The following CTNNA3 variants were observed in gnomAD, a reference collection of about 807,000 sequenced individuals.
CTNNA3 encodes catenin alpha 3.
In CTNNA3, 76 loss-of-function variants were observed where a neutral mutation model predicts 95.7. The ratio of observed to expected loss-of-function variants is 0.79; its 90% confidence interval spans 0.66 to 0.96. CTNNA3 has a LOEUF of 0.96. CTNNA3 is among the 40% of genes least tolerant of loss of function. The pLI, the probability that CTNNA3 is intolerant of heterozygous loss-of-function variation, is 0.00. For missense variants in CTNNA3, 1,191 were observed against 1,089.8 expected, an observed-to-expected ratio of 1.09 and a Z score of -1.31; for synonymous variants, 431 against 374.4, an observed-to-expected ratio of 1.15 and a Z score of -1.74.
intron 1 of CTNNA3, among the ~76,000 whole-genome samples, chr10:67,669,634 C>T (rs372560302): frequency 6.6e-6 from 1 of 152,128 alleles, no homozygotes; most frequent in Non-Finnish European, 1.5e-5. Context: ...TAAAATTACA[C>T]ATAGAATATA....
intron 7 of CTNNA3, among the ~76,000 whole-genome samples, chr10:66,844,593 C>A (rs967729709): frequency 2.0e-5 from 3 of 152,096 alleles, no homozygotes; most frequent in Non-Finnish European, 2.9e-5. Context: ...TTAGCTAGTC[C>A]TTTGTGGAAT....
At chr10:66,173,659 G>A (rs2085552563) in intron 13 of CTNNA3, among the ~76,000 whole-genome samples, 1 of 151,864 alleles carries the variant, frequency 6.6e-6, no homozygotes, top group Non-Finnish European at 1.5e-5. Flanking sequence ...CTCCAGTATG[G>A]GCAACAGACA....
At chr10:66,473,936 T>C (rs1839229184) in intron 11 of CTNNA3, among the ~76,000 whole-genome samples, 1 of 152,116 alleles carries the variant, frequency 6.6e-6, no homozygotes, top group African/African-American at 2.4e-5. Context: ...TTGGGTTGGT[T>C]CCAAGTCTTT....
At chr10:67,086,800 G>C (rs759575103) in intron 7 of CTNNA3, among the ~76,000 whole-genome samples, 1 of 151,830 alleles carries the variant, frequency 6.6e-6, no homozygotes, top group Non-Finnish European at 1.5e-5. Flanking sequence ...CCAAACACTA[G>C]TATCTGTTAT....
intron 1 of CTNNA3, chr10:67,750,289 C>T: frequency 1.3e-6 from 2 of 1,521,026 alleles, no homozygotes; most frequent in Non-Finnish European, 1.8e-6. Context: ...CAACCATGGC[C>T]ATCTTTGTGG....
chr10:66,490,690 T>C (rs1336613250), intron 11 of CTNNA3, among the ~76,000 whole-genome samples: 1 of 152,120 alleles, frequency 6.6e-6, no homozygotes, highest in Admixed American at 6.5e-5. Flanking sequence ...CTTGAACTCA[T>C]GTGGTAGCAG....
At chr10:66,573,587 A>G (rs1208472601) in intron 10 of CTNNA3, among the ~76,000 whole-genome samples, 1 of 152,174 alleles carries the variant, frequency 6.6e-6, no homozygotes. Context: ...GGCTTATTCT[A>G]TTGAATTGCC....
intron 12 of CTNNA3, among the ~76,000 whole-genome samples, chr10:66,365,776 C>CTCTCTCTT (rs1554945987): frequency 6.0e-5 from 9 of 151,158 alleles, no homozygotes; most frequent in Non-Finnish European, 1.2e-4. Flanking sequence ...CTCTCTCTCT[C>CTCTCTCTT]TCTCTCATCT....
intron 12 of CTNNA3, among the ~76,000 whole-genome samples, chr10:66,368,740 C>T (rs1431181692): frequency 1.3e-5 from 2 of 152,024 alleles, no homozygotes; most frequent in Non-Finnish European, 2.9e-5. Flanking sequence ...GGGGAGATGG[C>T]AAGAGAAGTA....
At chr10:66,360,663 C>T (rs867251201) in intron 12 of CTNNA3, among the ~76,000 whole-genome samples, 18 of 28,582 alleles carry the variant, frequency 6.3e-4, no homozygotes, top group Admixed American at 8.2e-4. Context: ...TTCTTTCTTC[C>T]TTCCTTCCTT....
rs547781384 is a variant in CTNNA3, at chr10:66,935,602, C to A, written c.1048-160078G>T. Among the ~76,000 whole-genome samples the A allele has an allele frequency of 4.4e-4, 67 of 151,900 alleles. No individual in the cohort carries two copies. The South Asian group carries it at 0.014, about 31-fold the overall frequency. ...TATTACATACGTATTTGTATTTCCA[C>A]CAAGGTACGTATGTTGTACATGCCT... On this transcript the variant is annotated intron_variant, in intron 7 of 17. Transcript: ENST00000433211.
At chr10:65,990,829 T>G (rs2078530763) in intron 15 of CTNNA3, among the ~76,000 whole-genome samples, 1 of 152,086 alleles carries the variant, frequency 6.6e-6, no homozygotes, top group African/African-American at 2.4e-5. Flanking sequence ...AGCCATAAAA[T>G]CTTCGTCTAG....
chr10:66,978,960 CTTTTTTTTT>C (rs34112681), intron 7 of CTNNA3, among the ~76,000 whole-genome samples: 1 of 83,782 alleles, frequency 1.2e-5, no homozygotes, highest in Non-Finnish European at 2.2e-5. Context: ...TACTTATTTC[CTTTTTTTTT>C]TTTTTTTTTT....
intron 13 of CTNNA3, among the ~76,000 whole-genome samples, chr10:66,191,766 T>C (rs1028176675): frequency 3.3e-5 from 5 of 152,174 alleles, no homozygotes; most frequent in Admixed American, 1.3e-4. Flanking sequence ...GGACAGACTA[T>C]CCATAATGGC....
intron 13 of CTNNA3, among the ~76,000 whole-genome samples, chr10:66,185,091 T>C (rs2086259406): frequency 6.6e-6 from 1 of 152,224 alleles, no homozygotes; most frequent in Non-Finnish European, 1.5e-5. Context: ...TGACTGGGTA[T>C]AACATATAAG....
At chr10:66,871,158 G>A (rs1010869045) in intron 7 of CTNNA3, among the ~76,000 whole-genome samples, 1 of 152,136 alleles carries the variant, frequency 6.6e-6, no homozygotes, top group Non-Finnish European at 1.5e-5. Context: ...AGAAAGCAGA[G>A]GGCGAATAAA....
chr10:66,137,180 T>C (rs1051004873), intron 13 of CTNNA3, among the ~76,000 whole-genome samples: 4 of 152,148 alleles, frequency 2.6e-5, no homozygotes, highest in African/African-American at 9.7e-5. Context: ...TGAGACTTTT[T>C]TTTAGCAATC....
intron 1 of CTNNA3, among the ~76,000 whole-genome samples, chr10:67,760,437 T>C (rs1470494200): frequency 6.6e-6 from 1 of 152,192 alleles, no homozygotes; most frequent in African/African-American, 2.4e-5. Context: ...AATACACTCA[T>C]GTGTCACTTA....
intron 5 of CTNNA3, among the ~76,000 whole-genome samples, chr10:67,518,463 G>A (rs1035020971): frequency 3.3e-5 from 5 of 152,074 alleles, no homozygotes; most frequent in African/African-American, 2.4e-5. Context: ...AATCAGATAC[G>A]TGATGTGTTC....
Sources: allele counts gnomAD v4.1 joint callset (sites outside exome capture counted in the v4.1 genomes callset), GRCh38; gene constraint gnomAD v4.1.1; transcripts MANE v1.5; gene names NCBI Gene and HGNC (gene_info 2026-07-23, HGNC 2026-07-21).